Variants in FANCI observed in about 807,000 individuals in gnomAD.
The protein encoded by FANCI is Fanconi anemia group I protein.
FANCI carries 156 observed loss-of-function variants against 176.1 expected under a neutral mutation model. That is an observed-to-expected ratio of 0.89 (90% CI 0.78 to 1.01). The LOEUF is 1.01. Ranked by LOEUF, FANCI falls within the 50% of genes least tolerant of loss-of-function variation. The pLI is 0.00. For missense variants in FANCI, 1,678 were observed against 1,534.1 expected, an observed-to-expected ratio of 1.09 and a Z score of -1.57; for synonymous variants, 613 against 541.7, an observed-to-expected ratio of 1.13 and a Z score of -1.83.
At position 89,292,931 on chromosome 15, in the gene FANCI, G is replaced by T. The variant is rs1336119357; in HGVS notation, c.2170-11G>T. ...TTAGTAGCTTGTTAATTTTTATCTT[G>T]TGTCTTTTAGGATAAATCAGCAGAT... On this transcript the variant is annotated splice_polypyrimidine_tract_variant and intron_variant, in intron 21 of 37. Coordinates refer to ENST00000310775, the MANE Select transcript of FANCI (RefSeq NM_001113378.2). 1.2e-6 allele frequency: 2 copies of T among 1,613,948 alleles called. No individual in the cohort carries two copies. Among genetic ancestry groups the T allele is most frequent in the South Asian group, 1.1e-5 (1 of 91,082 alleles).
chr15:89,302,112 G>T (rs574294240), intron 27 of FANCI, among the ~76,000 whole-genome samples: 3 of 152,264 alleles, frequency 2.0e-5, no homozygotes. Context: ...AGGAGCCCAG[G>T]ACTGTGTGCT....
chr15:89,250,150 T>C (rs920398348), intron 2 of FANCI, among the ~76,000 whole-genome samples: 1 of 152,194 alleles, frequency 6.6e-6, no homozygotes, highest in Non-Finnish European at 1.5e-5. Context: ...TTCTCAGGGA[T>C]CTAGAACTAG....
intron 24 of FANCI, 73 bp from the exon 25 acceptor site, chr15:89,299,727 A>T (rs1006630508): frequency 1.5e-5 from 22 of 1,487,224 alleles, no homozygotes; most frequent in Non-Finnish European, 1.9e-5. Flanking sequence ...CCTACAGGGT[A>T]AGAATTTTAC....
rs1258253590 is a variant in FANCI at position 89,294,895 on chromosome 15, C to G, written c.2457-20C>G. On this transcript the variant is annotated intron_variant, in intron 23 of 37. Transcript: ENST00000310775. ...TAAGGGAATCTTCCTTTTTCTTTCT[C>G]TCTCTCTGTCTCTCTCTAGGGATAG... The G allele has an allele frequency of 6.5e-7, 1 of 1,542,394 alleles. No homozygotes were observed. The highest frequency in any genetic ancestry group is 2.4e-5 in the East Asian group (1 of 40,852).
intron 28 of FANCI, among the ~76,000 whole-genome samples, chr15:89,304,505 G>A (rs777859217): frequency 9.9e-5 from 15 of 152,222 alleles, no homozygotes; most frequent in Non-Finnish European, 1.8e-4. Flanking sequence ...TTTCCTTGGC[G>A]GGGCAAGTTA....
At chr15:89,279,783 C>T (rs534301142) in intron 14 of FANCI, among the ~76,000 whole-genome samples, 1 of 152,100 alleles carries the variant, frequency 6.6e-6, no homozygotes, top group South Asian at 2.1e-4. Context: ...TTTTCTCCCT[C>T]ATACTGTCAT....
At chr15:89,269,040 G>C (rs1278218150) in intron 10 of FANCI, among the ~76,000 whole-genome samples, 2 of 152,278 alleles carry the variant, frequency 1.3e-5, no homozygotes, top group East Asian at 1.9e-4. Context: ...GTAGTGTACA[G>C]ATATATTTGT....
chr15:89,293,320 C>A (rs1326651642), intron 22 of FANCI, among the ~76,000 whole-genome samples: 2 of 152,196 alleles, frequency 1.3e-5, no homozygotes, highest in Non-Finnish European at 2.9e-5. Context: ...AATTCAAGAA[C>A]TCCTAATTTT....
intron 18 of FANCI, among the ~76,000 whole-genome samples, chr15:89,286,143 C>T (rs1004809417): frequency 2.0e-5 from 3 of 152,106 alleles, no homozygotes; most frequent in African/African-American, 7.2e-5. Flanking sequence ...CAGCCATGCA[C>T]CACCATGCCC....
At chr15:89,293,807 A>T in intron 22 of FANCI, 26 bp from the exon 23 acceptor site, 1 of 1,609,708 alleles carries the variant, frequency 6.2e-7, no homozygotes, top group Non-Finnish European at 8.5e-7. Flanking sequence ...GTTTGTCCTT[A>T]GCGGTCTCTT....
chr15:89,273,534 AATC>A, intron 11 of FANCI, 65 bp downstream of exon 11: 1 of 876,270 alleles, frequency 1.1e-6, no homozygotes, highest in East Asian at 2.6e-5. Flanking sequence ...AAAAAAAAAA[AATC>A]ACAGTAATCT....
chr15:89,258,883 T>C, intron 3 of FANCI, 107 bp downstream of exon 3: 1 of 857,666 alleles, frequency 1.2e-6, no homozygotes, highest in East Asian at 2.5e-5. Context: ...ACATTTTCCA[T>C]GTTTTGAGGA....
chr15:89,244,783 C>G (rs577610049), intron 1 of FANCI, among the ~76,000 whole-genome samples: 1 of 152,302 alleles, frequency 6.6e-6, no homozygotes, highest in South Asian at 2.1e-4. Context: ...ATTCCCTAAT[C>G]TCTGAATCCC....
chr15:89,248,899 A>G (rs144113427), intron 2 of FANCI, among the ~76,000 whole-genome samples: 5 of 152,260 alleles, frequency 3.3e-5, no homozygotes, highest in Admixed American at 6.5e-5. Flanking sequence ...GTTAAAAACT[A>G]TATATAGGCC....
rs747603151 is a variant in FANCI, at chr15:89,258,712, TCTC to T, written c.96_98del (p.Leu33del). ...TTTTTCTTTCTTTGCAGTTGACTAA[TCTC>T]CTTCAGAATCAAGCAGTGAAAGGAA... On this transcript the variant is annotated inframe_deletion, in exon 3 of 38. Coordinates refer to ENST00000310775, the MANE Select transcript of FANCI (RefSeq NM_001113378.2). The T allele has an allele frequency of 3.5e-5, 57 of 1,613,356 alleles. No homozygotes were observed. Among genetic ancestry groups the T allele is most frequent in the Middle Eastern group, 1.7e-4 (1 of 6,060 alleles).
chr15:89,249,088 A>G (rs1266187653), intron 2 of FANCI, among the ~76,000 whole-genome samples: 1 of 152,180 alleles, frequency 6.6e-6, no homozygotes, highest in Non-Finnish European at 1.5e-5. Flanking sequence ...TACTCCATCA[A>G]GATCATTTTG....
chr15:89,299,729 G>C lies in FANCI; in HGVS notation c.2637-71G>C, dbSNP rs542046440. ...CTAGAACTGTTCACCTACAGGGTAAGAATTTTACTGTTTGTTATTTTATCT... is the reference window on the plus strand; with the variant it reads ...CTAGAACTGTTCACCTACAGGGTAACAATTTTACTGTTTGTTATTTTATCT... On this transcript the variant is annotated intron_variant, in intron 24 of 37. Coordinates refer to ENST00000310775, the MANE Select transcript of FANCI (RefSeq NM_001113378.2). 1.2e-5 allele frequency: 18 copies of C among 1,513,332 alleles called. No individual in the cohort carries two copies. In the East Asian group the frequency reaches 3.7e-4, roughly 31 times the overall value. 93.7% of individuals were successfully genotyped at this position (1,513,332 alleles called of 1,614,324 possible). A position where few individuals can be genotyped will look rare whatever the true frequency, so the allele number is the denominator to read the frequency against.
intron 34 of FANCI, among the ~76,000 whole-genome samples, chr15:89,311,065 G>A (rs532563093): frequency 4.6e-5 from 7 of 151,906 alleles, no homozygotes; most frequent in Middle Eastern, 3.4e-3. Flanking sequence ...AAACTAGCCC[G>A]GCCAACATGG....
Position 89,268,792 on chromosome 15 carries a change from G to A in FANCI, c.882+267G>A, listed in dbSNP as rs563708320. ...TAAAAAAACCCTCAAAAGTTCTAAC[G>A]CAAAAAAGTGGGAAAAAAGGTGAGA... is the stretch of plus-strand genomic sequence containing the variant. On this transcript the variant is annotated intron_variant, in intron 10 of 37. Coordinates refer to ENST00000310775, the MANE Select transcript of FANCI (RefSeq NM_001113378.2). Among the ~76,000 whole-genome samples, 7 of 151,640 alleles carry A rather than the reference G, an allele frequency of 4.6e-5. No individual in the cohort carries two copies. In the East Asian group the frequency reaches 1.2e-3, roughly 25 times the overall value.
Sources: allele counts gnomAD v4.1 joint callset (sites outside exome capture counted in the v4.1 genomes callset), GRCh38; gene constraint gnomAD v4.1.1; transcripts MANE v1.5; gene names NCBI Gene and HGNC (gene_info 2026-07-23, HGNC 2026-07-21).